The following FOXP2 variants were observed in gnomAD, a reference collection of about 807,000 sequenced individuals.
FOXP2 encodes forkhead box protein P2.
Under a neutral mutation model 115.8 loss-of-function variants are expected in FOXP2, and 12 were observed. The ratio of observed to expected loss-of-function variants is 0.10; its 90% CI spans 0.07 to 0.17. FOXP2 has a LOEUF of 0.17. Ranked by LOEUF, FOXP2 falls within the 10% of genes least tolerant of loss-of-function variation. The pLI, the probability that FOXP2 is intolerant of heterozygous loss-of-function variation, is 1.00. For missense variants in FOXP2, 629 were observed against 843.5 expected, an observed-to-expected ratio of 0.75 and a Z score of 3.15; for synonymous variants, 328 against 297.7, an observed-to-expected ratio of 1.10 and a Z score of -1.05.
intron 1 of FOXP2, among the ~76,000 whole-genome samples, chr7:114,121,560 T>C (rs1791567268): frequency 6.6e-6 from 1 of 152,064 alleles, no homozygotes; most frequent in East Asian, 1.9e-4. Context: ...CACAAAAACA[T>C]GGTGATTAGA....
chr7:114,320,593 A>G lies in FOXP2; in HGVS notation c.-11+32484A>G, dbSNP rs1043973511. On this transcript the variant is annotated intron_variant, in intron 2 of 17. Coordinates refer to the FOXP2 transcript ENST00000634411. ...TCAGTCACTCTGTCCTGTGTGGCAG[A>G]TAGGACTTATGTATCTTCAGAATAT... Among the ~76,000 whole-genome samples, 6 of 152,188 alleles carry G rather than the reference A, an allele frequency of 3.9e-5. 1 individual carries two copies. The highest frequency in any genetic ancestry group is 3.3e-4 in the Admixed American group (5 of 15,276).
chr7:114,578,217 G>A (rs977807045), intron 3 of FOXP2, among the ~76,000 whole-genome samples: 2 of 151,994 alleles, frequency 1.3e-5, no homozygotes, highest in Non-Finnish European at 1.5e-5. Flanking sequence ...ATTGAGGCTG[G>A]AAAACATACT....
At chr7:114,317,383 C>T (rs181457776) in intron 2 of FOXP2, among the ~76,000 whole-genome samples, 1 of 152,156 alleles carries the variant, frequency 6.6e-6, no homozygotes, top group South Asian at 2.1e-4. Flanking sequence ...GTAAGTGACA[C>T]AGTGGAAGTC....
intron 1 of FOXP2, among the ~76,000 whole-genome samples, chr7:114,263,379 C>T (rs1795811333): frequency 6.8e-6 from 1 of 146,328 alleles, no homozygotes; most frequent in Non-Finnish European, 1.5e-5. Flanking sequence ...TTTCCTTCTT[C>T]CCCTCTTTCT....
At chr7:114,087,620 TGCG>T (rs953821424), upstream of FOXP2, 3 of 147,224 alleles carry the variant, frequency 2.0e-5, no homozygotes, top group South Asian at 3.6e-4. Context: ...GCGGCGCACG[TGCG>T]GCGGCGGCGG....
intron 2 of FOXP2, among the ~76,000 whole-genome samples, chr7:114,306,962 A>G (rs1343486755): frequency 6.6e-6 from 1 of 152,142 alleles, no homozygotes; most frequent in Non-Finnish European, 1.5e-5. Context: ...CCACTGGCTA[A>G]TTCCAGACGA....
chr7:114,495,454 T>G lies in FOXP2; in HGVS notation c.169-39163T>G, dbSNP rs142448665. On this transcript the variant is annotated intron_variant, in intron 2 of 16. Transcript: ENST00000350908. ...CAACTTTGGTACATTTTTATTTTCT[T>G]TTTTTCTTTGTTTTTTCTTTCTCTC... Among the ~76,000 whole-genome samples the G allele has an allele frequency of 6.3e-3, 952 of 151,046 alleles. 13 individuals are homozygous for G. Among genetic ancestry groups the G allele is most frequent in the African/African-American group, 0.022 (898 of 41,190 alleles).
intron 8 of FOXP2, among the ~76,000 whole-genome samples, chr7:114,650,947 T>A (rs551351741): frequency 6.6e-6 from 1 of 152,228 alleles, no homozygotes; most frequent in East Asian, 1.9e-4. Context: ...AACCTAGGTA[T>A]ATAAACAAAT....
intron 1 of FOXP2, among the ~76,000 whole-genome samples, chr7:114,170,545 G>C (rs1407839842): frequency 2.0e-5 from 3 of 152,194 alleles, no homozygotes; most frequent in African/African-American, 7.2e-5. Flanking sequence ...GAATGCAAAG[G>C]AAAAGTTCTT....
At position 114,550,638 on chromosome 7, in the gene FOXP2, C is replaced by G. The variant is rs1800162735; in HGVS notation, c.258+15932C>G. On this transcript the variant is annotated intron_variant, in intron 3 of 16. Coordinates refer to ENST00000350908, the MANE Select transcript of FOXP2 (RefSeq NM_014491.4). ...AATACATATACATATGCATGAGACT[C>G]TGATACACTCTAGTGATTTCTGGTT... 2.0e-5 allele frequency among the ~76,000 whole-genome samples: 3 copies of G among 152,270 alleles called. No homozygotes were observed. The South Asian group carries it at 6.2e-4, about 32-fold the overall frequency.
chr7:114,588,242 G>A (rs945785312), intron 3 of FOXP2, among the ~76,000 whole-genome samples: 1 of 152,108 alleles, frequency 6.6e-6, no homozygotes, highest in African/African-American at 2.4e-5. Context: ...GAGAGGCGGA[G>A]GTTGCCGTGA....
Position 114,626,557 on chromosome 7 carries a change from C to CTG in FOXP2, c.259-1982_259-1981insGT, listed in dbSNP as rs759932520. Reference sequence around the variant, plus strand: ...TCTCTCTCTCTCTCTCTCTCTGTCTCTCTCTCTATATATATCCATGTACAT... The same window carrying CTG: ...TCTCTCTCTCTCTCTCTCTCTGTCTCTGTCTCTCTATATATATCCATGTACAT... On this transcript the variant is annotated intron_variant, in intron 3 of 16. Transcript: ENST00000350908. Among the ~76,000 whole-genome samples the CTG allele has an allele frequency of 7.8e-3, 920 of 117,268 alleles. 10 individuals carry two copies. Among genetic ancestry groups the CTG allele is most frequent in the African/African-American group, 0.032 (872 of 27,498 alleles). The allele number at this position is 117,268 out of a possible 152,430, so 76.9% of individuals were successfully genotyped here.
chr7:114,602,783 C>T (rs1395135221), intron 3 of FOXP2, among the ~76,000 whole-genome samples: 3 of 152,056 alleles, frequency 2.0e-5, no homozygotes, highest in African/African-American at 7.2e-5. Flanking sequence ...TTTATTTTAC[C>T]TATTTTAATC....
At chr7:114,676,667 A>G (rs1452913398) in intron 16 of FOXP2, among the ~76,000 whole-genome samples, 5 of 152,158 alleles carry the variant, frequency 3.3e-5, no homozygotes. Context: ...TAAAAGATGT[A>G]TTTCTTTTGT....
At chr7:114,437,492 T>C (rs990119989) in intron 2 of FOXP2, among the ~76,000 whole-genome samples, 1 of 152,152 alleles carries the variant, frequency 6.6e-6, no homozygotes, top group Non-Finnish European at 1.5e-5. Context: ...AGTACTTCCG[T>C]GAAGTCTTTC....
chr7:114,555,683 G>A (rs1352753625), intron 3 of FOXP2, among the ~76,000 whole-genome samples: 1 of 152,162 alleles, frequency 6.6e-6, no homozygotes, highest in Non-Finnish European at 1.5e-5. Flanking sequence ...TGTCATCCCA[G>A]CTACACGGGA....
chr7:114,203,527 A>G (rs538413110), intron 1 of FOXP2, among the ~76,000 whole-genome samples: 1 of 151,980 alleles, frequency 6.6e-6, no homozygotes, highest in Non-Finnish European at 1.5e-5. Flanking sequence ...CTATTTTTGT[A>G]GACACAGGGC....
chr7:114,261,919 G>A (rs199554004), intron 1 of FOXP2, among the ~76,000 whole-genome samples: 423 of 152,058 alleles, frequency 2.8e-3, no homozygotes, highest in Non-Finnish European at 4.0e-3. Flanking sequence ...TTAGCTGGGC[G>A]TGGTGGCGGC....
chr7:114,158,191 G>T (rs1160218208), upstream of FOXP2, among the ~76,000 whole-genome samples: 1 of 151,990 alleles, frequency 6.6e-6, no homozygotes, highest in Admixed American at 6.6e-5. Context: ...GTGTTGTATA[G>T]CAAAATATAT....
Sources: allele counts gnomAD v4.1 joint callset (sites outside exome capture counted in the v4.1 genomes callset), GRCh38; gene constraint gnomAD v4.1.1; transcripts MANE v1.5; gene names NCBI Gene and HGNC (gene_info 2026-07-23, HGNC 2026-07-21).